The following EPC2 variants were observed in gnomAD, a reference collection of about 807,000 sequenced individuals.
EPC2 encodes the protein enhancer of polycomb 2.
EPC2 carries 14 observed loss-of-function variants against 92.1 expected under a neutral mutation model. The observed-to-expected ratio is 0.15, with a 90% CI of 0.10 to 0.24. The LOEUF is 0.24. Ranked by LOEUF, EPC2 falls within the 10% of genes least tolerant of loss-of-function variation. EPC2 has a pLI of 1.00. For synonymous variants in EPC2, 340 were observed against 334.7 expected, an observed-to-expected ratio of 1.02 and a Z score of -0.17; for missense variants, 755 against 971.5, an observed-to-expected ratio of 0.78 and a Z score of 2.96.
At chr2:148,783,002 C>G (rs889592849) in intron 11 of EPC2, among the ~76,000 whole-genome samples, 2 of 152,162 alleles carry the variant, frequency 1.3e-5, no homozygotes, top group Admixed American at 6.5e-5. Context: ...GATCCTGACT[C>G]CAGTAACATG....
chr2:148,651,984 A>T (rs1030207388), intron 1 of EPC2, among the ~76,000 whole-genome samples: 1 of 152,196 alleles, frequency 6.6e-6, no homozygotes, highest in Non-Finnish European at 1.5e-5. Flanking sequence ...GTACTGCTTC[A>T]TCTGTAAAAT....
At chr2:148,772,703 A>C (rs560012334) in intron 10 of EPC2, among the ~76,000 whole-genome samples, 1 of 152,334 alleles carries the variant, frequency 6.6e-6, no homozygotes, top group African/African-American at 2.4e-5. Flanking sequence ...TATAAAGTTC[A>C]TGAGTCTGTG....
intron 8 of EPC2, 106 bp downstream of exon 8, chr2:148,769,346 T>C: frequency 1.3e-6 from 1 of 766,446 alleles, no homozygotes; most frequent in South Asian, 1.6e-5. Flanking sequence ...GCATCAGTAC[T>C]TTTTATTTAA....
At chr2:148,733,135 T>C (rs1295053338) in intron 2 of EPC2, among the ~76,000 whole-genome samples, 15 of 142,796 alleles carry the variant, frequency 1.1e-4, no homozygotes, top group Non-Finnish European at 2.3e-4. Context: ...CCTAAGAGTA[T>C]TTCAAACAGT....
intron 10 of EPC2, among the ~76,000 whole-genome samples, chr2:148,777,191 A>G (rs1345751377): frequency 6.6e-6 from 1 of 152,086 alleles, no homozygotes; most frequent in Non-Finnish European, 1.5e-5. Flanking sequence ...AGAGAAAAAA[A>G]AAGAAAAGAC....
At position 148,765,013 on chromosome 2, in the gene EPC2, A is replaced by G; in HGVS notation, c.1007A>G (p.Lys336Arg). ...EASDVVRQKK[K>R]YPKKPKAEAL... is the part of the protein sequence containing the mutation. ...TCTGATGTGGTTCGTCAAAAGAAGA[A>G]GTACCCAAAGAAGCCTAAAGCAGAG... The change falls in exon 7 of 14, where the codon AAG becomes AGG. Residue 336 changes from lysine to arginine, a missense_variant. Coordinates refer to ENST00000258484, the MANE Select transcript of EPC2 (RefSeq NM_015630.4). 1.2e-6 allele frequency: 2 copies of G among 1,605,850 alleles called. No individual in the cohort carries two copies. Among genetic ancestry groups the G allele is most frequent in the Non-Finnish European group, 1.7e-6 (2 of 1,175,658 alleles).
chr2:148,675,358 G>A (rs890457077), intron 1 of EPC2, among the ~76,000 whole-genome samples: 1 of 152,114 alleles, frequency 6.6e-6, no homozygotes, highest in African/African-American at 2.4e-5. Context: ...TATTAGGTTT[G>A]GAGCATTTTT....
At position 148,702,967 on chromosome 2, in the gene EPC2, C is replaced by T. The variant is rs186380208; in HGVS notation, c.313+12594C>T. Among the ~76,000 whole-genome samples, 363 of 152,298 alleles carry T rather than the reference C, an allele frequency of 2.4e-3. 2 individuals are homozygous for T. The highest frequency in any genetic ancestry group is 7.8e-4 in the Non-Finnish European group (53 of 68,026). On this transcript the variant is annotated intron_variant, in intron 2 of 13. Transcript: ENST00000258484. ...ACCTCTGCCCTAAGTCCTTTGACTG[C>T]TTGAAGTCTTCCCACTGTATCATAC...
chr2:148,766,938 C>A (rs1286784165), intron 7 of EPC2, among the ~76,000 whole-genome samples: 2 of 152,118 alleles, frequency 1.3e-5, no homozygotes, highest in African/African-American at 2.4e-5. Context: ...AATCCCAGCA[C>A]TTTGGGAAGC....
chr2:148,667,446 A>G (rs190631559), intron 1 of EPC2, among the ~76,000 whole-genome samples: 91 of 152,352 alleles, frequency 6.0e-4, no homozygotes, highest in Non-Finnish European at 9.3e-4. Context: ...ATATAGAATT[A>G]CAGTAGATTT....
intron 2 of EPC2, among the ~76,000 whole-genome samples, chr2:148,721,716 T>TC (rs1682377807): frequency 6.8e-6 from 1 of 148,076 alleles, no homozygotes; most frequent in African/African-American, 2.4e-5. Context: ...TTTATTCTTT[T>TC]TTTTTTTTTT....
chr2:148,730,984 T>C (rs999854765), intron 2 of EPC2, among the ~76,000 whole-genome samples: 2 of 152,218 alleles, frequency 1.3e-5, no homozygotes, highest in Non-Finnish European at 2.9e-5. Flanking sequence ...TTATCCAGTC[T>C]TGTTTTTGAT....
intron 1 of EPC2, among the ~76,000 whole-genome samples, chr2:148,666,314 G>T (rs1681055081): frequency 6.6e-6 from 1 of 151,850 alleles, no homozygotes; most frequent in Admixed American, 6.6e-5. Context: ...CTAATTTTTT[G>T]ACTTTTTTTG....
intron 3 of EPC2, among the ~76,000 whole-genome samples, chr2:148,750,772 T>C (rs1009141834): frequency 6.6e-6 from 1 of 152,116 alleles, no homozygotes; most frequent in Non-Finnish European, 1.5e-5. Context: ...TTTAACTCTT[T>C]TTGAATTTAA....
chr2:148,753,874 T>A (rs1683125532), intron 3 of EPC2, 53 bp from the exon 4 acceptor site: 1 of 1,511,070 alleles, frequency 6.6e-7, no homozygotes, highest in Non-Finnish European at 9.0e-7. Flanking sequence ...AAGCTAACTT[T>A]TATTTCTTTT....
chr2:148,717,831 A>G (rs879386908), intron 2 of EPC2, among the ~76,000 whole-genome samples: 7 of 152,078 alleles, frequency 4.6e-5, no homozygotes, highest in Admixed American at 3.3e-4. Flanking sequence ...TCTGTCTAAT[A>G]TTGTCAGTAG....
intron 1 of EPC2, among the ~76,000 whole-genome samples, chr2:148,683,085 T>C (rs895930006): frequency 1.3e-5 from 2 of 152,158 alleles, no homozygotes; most frequent in Admixed American, 6.5e-5. Flanking sequence ...TAAATTTTTT[T>C]TTTTTTAATT....
At chr2:148,735,530 T>G (rs1335595485) in intron 2 of EPC2, among the ~76,000 whole-genome samples, 1 of 151,924 alleles carries the variant, frequency 6.6e-6, no homozygotes, top group Non-Finnish European at 1.5e-5. Context: ...AAAACTTTTA[T>G]GGAAAAATTT....
chr2:148,716,469 C>A (rs1286293693), intron 2 of EPC2, among the ~76,000 whole-genome samples: 1 of 152,164 alleles, frequency 6.6e-6, no homozygotes, highest in Non-Finnish European at 1.5e-5. Context: ...TTTTCTCCAT[C>A]TGTTGAGATA....
Sources: allele counts gnomAD v4.1 joint callset (sites outside exome capture counted in the v4.1 genomes callset), GRCh38; gene constraint gnomAD v4.1.1; transcripts MANE v1.5; gene names NCBI Gene and HGNC (gene_info 2026-07-23, HGNC 2026-07-21).